Variants in RPTOR observed in about 807,000 individuals in gnomAD.
RPTOR encodes regulatory associated protein of MTOR complex 1, also known as regulatory-associated protein of mTOR.
Under a neutral mutation model 169.9 loss-of-function variants are expected in RPTOR, and 21 were observed. The ratio of observed to expected loss-of-function variants is 0.12; its 90% CI spans 0.09 to 0.18. The LOEUF is 0.18. Among genes scored for constraint, RPTOR ranks in the 10% least tolerant of loss-of-function variants. The pLI, the probability that RPTOR is intolerant of heterozygous loss-of-function variation, is 1.00. For missense variants in RPTOR, 1,133 were observed against 1,855.9 expected, an observed-to-expected ratio of 0.61 and a Z score of 7.16; for synonymous variants, 732 against 753.2, an observed-to-expected ratio of 0.97 and a Z score of 0.46.
chr17:80,708,963 C>T lies in RPTOR; in HGVS notation c.507+964C>T. 2 of 985,830 alleles carry T rather than the reference C, an allele frequency of 2.0e-6. No individual in the cohort carries two copies. Among genetic ancestry groups the T allele is most frequent in the African/African-American group, 3.5e-5 (2 of 57,326 alleles). The allele number at this position is 985,830 out of a possible 1,614,324, so 61.1% of individuals were successfully genotyped here. A position where few individuals can be genotyped will look rare whatever the true frequency, so the allele number is the denominator to read the frequency against. On this transcript the variant is annotated intron_variant, in intron 4 of 33. Transcript: ENST00000306801. The surrounding 1 kb of genome is among the most constrained non-coding windows in gnomAD (Gnocchi z 4.2). ...AGTGAGGACTCTGACTCCGTTTCTT[C>T]ACACACTGAACTCTCGGTTCCCGCC...
chr17:80,823,459 G>T lies in RPTOR; in HGVS notation c.1136+236G>T, dbSNP rs761414079. The stretch of plus-strand genomic sequence containing the variant: ...CTTTTAGGACTGCACGGGAGCAGCG[G>T]CCGGCTGAAGCCTCACAGCTCTGCA... On this transcript the variant is annotated intron_variant, in intron 9 of 33. Coordinates refer to ENST00000306801, the MANE Select transcript of RPTOR (RefSeq NM_020761.3). This position sits in a 1 kb window ranked among gnomAD's most constrained non-coding sequence, Gnocchi z 4.5. 6.9e-6 allele frequency: 3 copies of T among 435,724 alleles called. No individual in the cohort carries two copies. Among genetic ancestry groups the T allele is most frequent in the Non-Finnish European group, 1.2e-5 (3 of 246,714 alleles). 27.0% of individuals were successfully genotyped at this position (435,724 alleles called of 1,614,324 possible).
chr17:80,900,561 G>A (rs777236122), intron 20 of RPTOR, among the ~76,000 whole-genome samples: 14 of 152,094 alleles, frequency 9.2e-5, no homozygotes, highest in Non-Finnish European at 1.9e-4. Context: ...GGTGATCTGC[G>A]CGCCTCAGCC....
intron 3 of RPTOR, among the ~76,000 whole-genome samples, chr17:80,681,181 A>G (rs989137823): frequency 6.6e-6 from 1 of 152,194 alleles, no homozygotes; most frequent in Non-Finnish European, 1.5e-5. Context: ...AGTGTCAGTC[A>G]GCAAAACACC....
At chr17:80,888,576 G>A (rs997756092) in intron 17 of RPTOR, among the ~76,000 whole-genome samples, 1 of 152,218 alleles carries the variant, frequency 6.6e-6, no homozygotes, top group Non-Finnish European at 1.5e-5. Flanking sequence ...GTGCAGCCGT[G>A]TCAACACTGG....
intron 7 of RPTOR, among the ~76,000 whole-genome samples, chr17:80,814,594 G>A (rs562173341): frequency 7.7e-4 from 117 of 152,264 alleles, no homozygotes; most frequent in African/African-American, 2.4e-3. Context: ...TTTACATACA[G>A]TTTGACAATC....
intron 25 of RPTOR, chr17:80,941,330 A>G (rs7501577): frequency 0.9 from 136,777 of 152,636 alleles, 61,503 homozygotes; most frequent in African/African-American, 0.96. Flanking sequence ...GAAGGGATCC[A>G]GGCTGCAGGC....
intron 17 of RPTOR, 27 bp from the exon 18 acceptor site, chr17:80,891,693 G>A (rs1364711286): frequency 5.4e-6 from 8 of 1,472,624 alleles, no homozygotes; most frequent in South Asian, 1.1e-5. Context: ...CCCAGTGACT[G>A]TTATTGTCCC....
At chr17:80,564,452 C>A (rs1229239514) in intron 1 of RPTOR, among the ~76,000 whole-genome samples, 1 of 152,134 alleles carries the variant, frequency 6.6e-6, no homozygotes, top group Non-Finnish European at 1.5e-5. Context: ...GATACCGCCA[C>A]ACCCTTCTTA....
At chr17:80,591,502 C>T (rs112459369) in intron 1 of RPTOR, among the ~76,000 whole-genome samples, 4,868 of 151,168 alleles carry the variant, frequency 0.032, 295 homozygotes, top group African/African-American at 0.11. Flanking sequence ...CCTCAGCCTC[C>T]CGAGTAGCTG....
chr17:80,918,259 G>C (rs768310041), intron 21 of RPTOR, among the ~76,000 whole-genome samples: 4 of 152,228 alleles, frequency 2.6e-5, no homozygotes, highest in Non-Finnish European at 5.9e-5. Context: ...TGCCCAGCTA[G>C]AGCAGAGGCA....
chr17:80,590,595 C>T (rs56257075), intron 1 of RPTOR, among the ~76,000 whole-genome samples: 19 of 57,502 alleles, frequency 3.3e-4, no homozygotes, highest in Non-Finnish European at 5.4e-4. Flanking sequence ...ATGGTTGGGC[C>T]GTGTGTTAGC....
intron 31 of RPTOR, 104 bp from the exon 32 acceptor site, chr17:80,962,357 T>C: frequency 5.7e-6 from 5 of 878,526 alleles, no homozygotes; most frequent in East Asian, 2.4e-5. Flanking sequence ...GCAGTGTGTG[T>C]GCAAACAGGT....
At chr17:80,637,807 CTCT>C (rs1472560116) in intron 2 of RPTOR, among the ~76,000 whole-genome samples, 1 of 152,196 alleles carries the variant, frequency 6.6e-6, no homozygotes, top group East Asian at 1.9e-4. Context: ...CTTTGTTTTT[CTCT>C]TCTTAATGCA....
At chr17:80,780,844 T>A (rs2066935070) in intron 6 of RPTOR, among the ~76,000 whole-genome samples, 1 of 152,154 alleles carries the variant, frequency 6.6e-6, no homozygotes, top group Non-Finnish European at 1.5e-5. Context: ...CTTACTCTGT[T>A]TTCCTCTTTT....
chr17:80,739,673 G>GA (rs1033924071), intron 5 of RPTOR, among the ~76,000 whole-genome samples: 17 of 151,852 alleles, frequency 1.1e-4, no homozygotes, highest in Admixed American at 6.6e-4. Flanking sequence ...AAAAAACTGT[G>GA]AAAAAAATTA....
intron 3 of RPTOR, among the ~76,000 whole-genome samples, chr17:80,699,673 C>T (rs1222585643): frequency 9.0e-6 from 1 of 111,236 alleles, no homozygotes; most frequent in Non-Finnish European, 1.8e-5. Flanking sequence ...GTGCTGTGCA[C>T]GGTGCCCTGG....
rs1380938339 is a variant in RPTOR at position 80,860,261 on chromosome 17, C to T, written c.1509+2361C>T. 6.6e-6 allele frequency among the ~76,000 whole-genome samples: 1 copy of T among 152,246 alleles called. No individual in the cohort carries two copies. The highest frequency in any genetic ancestry group is 1.5e-5 in the Non-Finnish European group (1 of 68,028). ...ACCTGCTGTGCTCGCTGAAGCTGCCCTGTTGGGCTTTGTTCAGCCAAATTC... is the reference window on the plus strand; with the variant it reads ...ACCTGCTGTGCTCGCTGAAGCTGCCTTGTTGGGCTTTGTTCAGCCAAATTC... On this transcript the variant is annotated intron_variant, in intron 13 of 33. Coordinates refer to ENST00000306801, the MANE Select transcript of RPTOR (RefSeq NM_020761.3). The surrounding 1 kb of genome is among the most constrained non-coding windows in gnomAD (Gnocchi z 5.8).
At chr17:80,944,439 C>A (rs2069073120) in intron 25 of RPTOR, among the ~76,000 whole-genome samples, 1 of 152,268 alleles carries the variant, frequency 6.6e-6, no homozygotes, top group Non-Finnish European at 1.5e-5. Flanking sequence ...CTGAATGCTT[C>A]CACATGTCCA....
chr17:80,581,320 C>T lies in RPTOR; in HGVS notation c.162+35529C>T, dbSNP rs181889354. Among the ~76,000 whole-genome samples the T allele has an allele frequency of 2.1e-3, 317 of 152,348 alleles. 2 individuals are homozygous for T. The highest frequency in any genetic ancestry group is 7.4e-3 in the African/African-American group (306 of 41,588). Reference sequence around the variant, plus strand: ...CTTCCTTCCTTCCCCCTTTATTTGTCCCATCAATTGCGTAAATGCAGGTAA... The same window carrying T: ...CTTCCTTCCTTCCCCCTTTATTTGTTCCATCAATTGCGTAAATGCAGGTAA... On this transcript the variant is annotated intron_variant, in intron 1 of 33. Coordinates refer to ENST00000306801, the MANE Select transcript of RPTOR (RefSeq NM_020761.3).
Sources: allele counts gnomAD v4.1 joint callset (sites outside exome capture counted in the v4.1 genomes callset), GRCh38; gene constraint gnomAD v4.1.1; non-coding constraint Gnocchi (gnomAD v3.1); transcripts MANE v1.5; gene names NCBI Gene and HGNC (gene_info 2026-07-23, HGNC 2026-07-21).